ZNF678: variants seen among roughly 807,000 people sequenced by gnomAD.
ZNF678 encodes the protein hypothetical protein MGC42493.
ZNF678 carries 5 observed loss-of-function variants against 3.0 expected under a neutral mutation model. That is an observed-to-expected ratio of 1.69 (90% confidence interval 0.88 to 3.56). ZNF678 has a LOEUF of 3.56. Among genes scored for constraint, ZNF678 ranks in the 30% most tolerant of loss-of-function variants. The pLI, the probability that ZNF678 is intolerant of heterozygous loss-of-function variation, is 0.00. For synonymous variants in ZNF678, 218 were observed against 199.6 expected, an observed-to-expected ratio of 1.09 and a Z score of -0.78; for missense variants, 593 against 605.0, an observed-to-expected ratio of 0.98 and a Z score of 0.21.
At chr1:227,648,125 G>T (rs1395530477) in intron 2 of ZNF678, among the ~76,000 whole-genome samples, 1 of 152,012 alleles carries the variant, frequency 6.6e-6, no homozygotes, top group Non-Finnish European at 1.5e-5. Context: ...TGCCCACATT[G>T]TTACAATATC....
intron 1 of ZNF678, among the ~76,000 whole-genome samples, chr1:227,617,649 A>G (rs748687251): frequency 1.5e-4 from 23 of 152,320 alleles, no homozygotes; most frequent in Non-Finnish European, 2.8e-4. Flanking sequence ...GGCCATACAT[A>G]CTATGGCGTA....
chr1:227,599,192 A>G (rs1156947245), intron 1 of ZNF678: 3 of 1,029,276 alleles, frequency 2.9e-6, no homozygotes, highest in Non-Finnish European at 4.4e-6. Context: ...AACCTTTGTT[A>G]AATTTAACTG....
intron 1 of ZNF678, among the ~76,000 whole-genome samples, chr1:227,605,116 A>G (rs1558140451): frequency 6.6e-6 from 1 of 152,182 alleles, no homozygotes. Flanking sequence ...CGGCCTCCCA[A>G]AGTGCTGGGA....
chr1:227,576,464 G>A (rs1656989060), intron 1 of ZNF678, among the ~76,000 whole-genome samples: 1 of 152,150 alleles, frequency 6.6e-6, no homozygotes, highest in Non-Finnish European at 1.5e-5. Context: ...TCCTAGTTCA[G>A]TCTGGGGAGG....
At chr1:227,604,622 C>T (rs901417617) in intron 1 of ZNF678, among the ~76,000 whole-genome samples, 3 of 152,152 alleles carry the variant, frequency 2.0e-5, no homozygotes, top group African/African-American at 7.2e-5. Flanking sequence ...CTCCCGGGCT[C>T]AAGTGATCCA....
intron 1 of ZNF678, among the ~76,000 whole-genome samples, chr1:227,606,097 C>T (rs1188375987): frequency 6.6e-6 from 1 of 152,180 alleles, no homozygotes; most frequent in Non-Finnish European, 1.5e-5. Context: ...AAATAAGACA[C>T]AGAGACAAAG....
At chr1:227,586,622 C>T (rs940926482) in intron 1 of ZNF678, among the ~76,000 whole-genome samples, 2 of 152,150 alleles carry the variant, frequency 1.3e-5, no homozygotes, top group African/African-American at 4.8e-5. Context: ...AAAGGTAAGG[C>T]AGAAGTTTAG....
chr1:227,617,048 CTTCTA>C (rs1015639378), intron 1 of ZNF678, among the ~76,000 whole-genome samples: 15 of 152,284 alleles, frequency 9.9e-5, no homozygotes, highest in Admixed American at 3.9e-4. Flanking sequence ...CTTTGCAAGG[CTTCTA>C]TTAGTGAATG....
At chr1:227,633,917 C>T (rs371787937) in intron 1 of ZNF678, among the ~76,000 whole-genome samples, 1 of 152,182 alleles carries the variant, frequency 6.6e-6, no homozygotes, top group Non-Finnish European at 1.5e-5. Flanking sequence ...TGACATCACC[C>T]CTCCCCTAAC....
rs2999734 is a variant in ZNF678, at chr1:227,580,727, C to T, written c.-164+17003C>T. ...GGCGGATCATCTGAGGTCGGGAGTTCTAGACCAGCCTGACCAACTACTAAA... is the reference window on the plus strand; with the variant it reads ...GGCGGATCATCTGAGGTCGGGAGTTTTAGACCAGCCTGACCAACTACTAAA... On this transcript the variant is annotated intron_variant, in intron 1 of 3. Transcript: ENST00000343776. 4.0e-3 allele frequency among the ~76,000 whole-genome samples: 603 copies of T among 152,142 alleles called. 7 individuals carry two copies. Among genetic ancestry groups the T allele is most frequent in the African/African-American group, 0.014 (580 of 41,506 alleles).
intron 1 of ZNF678, among the ~76,000 whole-genome samples, chr1:227,580,136 C>A (rs1229185267): frequency 6.6e-6 from 1 of 152,100 alleles, no homozygotes; most frequent in Non-Finnish European, 1.5e-5. Flanking sequence ...AAAAATGAGT[C>A]CCGGTGTACA....
intron 1 of ZNF678, among the ~76,000 whole-genome samples, chr1:227,643,765 CAATA>C (rs1432201215): frequency 1.3e-5 from 2 of 151,718 alleles, no homozygotes; most frequent in Non-Finnish European, 1.5e-5. Flanking sequence ...AAATATATAA[CAATA>C]AAAAGTTCCT....
chr1:227,600,841 G>A (rs1237528630), intron 1 of ZNF678, among the ~76,000 whole-genome samples: 2 of 152,092 alleles, frequency 1.3e-5, no homozygotes, highest in African/African-American at 2.4e-5. Flanking sequence ...TGGCATCTTC[G>A]TCATGAAATC....
chr1:227,660,099 G>A lies in ZNF678; in HGVS notation c.*4271G>A, dbSNP rs1360521568. On this transcript the variant is annotated 3_prime_UTR_variant, in exon 4 of 4. Transcript: ENST00000343776. Reference sequence around the variant, plus strand: ...GATTCCACGTGAGTGAGACCATGAGGTATTCATCTTTCTGTGTTCTGCTCC... The same window carrying A: ...GATTCCACGTGAGTGAGACCATGAGATATTCATCTTTCTGTGTTCTGCTCC... The A allele has an allele frequency of 2.6e-5, 4 of 152,012 alleles. No homozygotes were observed. Among genetic ancestry groups the A allele is most frequent in the Non-Finnish European group, 4.4e-5 (3 of 67,984 alleles). 9.4% of individuals were successfully genotyped at this position (152,012 alleles called of 1,614,324 possible).
At chr1:227,604,751 C>T (rs1331301492) in intron 1 of ZNF678, among the ~76,000 whole-genome samples, 1 of 152,104 alleles carries the variant, frequency 6.6e-6, no homozygotes, top group Non-Finnish European at 1.5e-5. Context: ...TATATACTTA[C>T]TTACAATTTA....
intron 1 of ZNF678, among the ~76,000 whole-genome samples, chr1:227,579,247 C>G (rs980087516): frequency 6.6e-6 from 1 of 152,070 alleles, no homozygotes; most frequent in Non-Finnish European, 1.5e-5. Context: ...GTGGGAGTCC[C>G]TGTTGCAGAG....
chr1:227,662,037 C>A lies in ZNF678; in HGVS notation c.*6209C>A. 6.6e-6 allele frequency: 1 copy of A among 152,160 alleles called. No individual in the cohort carries two copies. The highest frequency in any genetic ancestry group is 1.9e-4 in the East Asian group (1 of 5,194). The allele number at this position is 152,160 out of a possible 1,614,324, so 9.4% of individuals were successfully genotyped here. A position where few individuals can be genotyped will look rare whatever the true frequency, so the allele number is the denominator to read the frequency against. ...ACCAGGAAATTCCAATACATCAGTG[C>A]ATGTGGAGGACATGAGTATTTAAGG... On this transcript the variant is annotated 3_prime_UTR_variant, in exon 4 of 4. Coordinates refer to ENST00000343776, the MANE Select transcript of ZNF678 (RefSeq NM_001367909.1).
intron 5 of ZNF678, among the ~76,000 whole-genome samples, chr1:227,669,243 G>C (rs1300477487): frequency 6.6e-6 from 1 of 152,150 alleles, no homozygotes; most frequent in Non-Finnish European, 1.5e-5. Context: ...CCATACAAAA[G>C]TGAGCAAAAG....
At chr1:227,568,641 G>C (rs1430297262) in intron 1 of ZNF678, among the ~76,000 whole-genome samples, 1 of 152,166 alleles carries the variant, frequency 6.6e-6, no homozygotes, top group Non-Finnish European at 1.5e-5. Flanking sequence ...GTTCTGTGAG[G>C]AGTTCTGTCA....
Sources: gnomAD v4.1 joint callset for allele counts (sites outside exome capture counted in the v4.1 genomes callset) on GRCh38, gnomAD v4.1.1 for gene constraint, MANE v1.5 for transcripts, NCBI Gene and HGNC (gene_info 2026-07-23, HGNC 2026-07-21) for gene names.